PCYT1A: variants seen among roughly 807,000 people sequenced by gnomAD.
PCYT1A encodes phosphate cytidylyltransferase 1A, choline.
A neutral mutation model predicts 43.7 loss-of-function variants in PCYT1A; 25 were observed. The ratio of observed to expected loss-of-function variants is 0.57; its 90% CI spans 0.42 to 0.80. The LOEUF (loss-of-function observed/expected upper bound fraction) is 0.80, where lower values mean the gene tolerates loss of function less well. Among genes scored for constraint, PCYT1A ranks in the 30% least tolerant of loss-of-function variants. PCYT1A has a pLI of 0.00. For missense variants in PCYT1A, 421 were observed against 474.2 expected, an observed-to-expected ratio of 0.89 and a Z score of 1.04; for synonymous variants, 172 against 170.7, an observed-to-expected ratio of 1.01 and a Z score of -0.06.
At chr3:196,265,475 G>A (rs62409167) in intron 2 of PCYT1A, among the ~76,000 whole-genome samples, 4 of 152,030 alleles carry the variant, frequency 2.6e-5, no homozygotes, top group Non-Finnish European at 4.4e-5. Flanking sequence ...TATACTTATC[G>A]ACAAAATAGC....
intron 1 of PCYT1A, among the ~76,000 whole-genome samples, chr3:196,276,551 C>T (rs7635355): frequency 0.24 from 35,613 of 151,012 alleles, 5,814 homozygotes; most frequent in East Asian, 0.77. Flanking sequence ...TGCAGTCAGC[C>T]GAGATCGCAC....
chr3:196,239,917 C>A, intron 7 of PCYT1A, 182 bp from the exon 8 acceptor site: 2 of 567,922 alleles, frequency 3.5e-6, no homozygotes, highest in Non-Finnish European at 6.3e-6. Flanking sequence ...GATGCACACA[C>A]AAGAAGTGGT....
intron 3 of PCYT1A, among the ~76,000 whole-genome samples, chr3:196,254,911 T>C (rs940950215): frequency 2.0e-5 from 3 of 152,166 alleles, no homozygotes; most frequent in African/African-American, 7.2e-5. Flanking sequence ...TTCCTTCCTT[T>C]CTCTGAGTTA....
At chr3:196,253,794 G>C (rs773040380) in intron 3 of PCYT1A, among the ~76,000 whole-genome samples, 3 of 152,138 alleles carry the variant, frequency 2.0e-5, no homozygotes. Context: ...TGTTGAACTA[G>C]TCTGGGAAGA....
chr3:196,271,115 C>T (rs572423348), intron 1 of PCYT1A, among the ~76,000 whole-genome samples: 18 of 152,040 alleles, frequency 1.2e-4, no homozygotes, highest in African/African-American at 2.9e-4. Context: ...GCTTCAACCT[C>T]GTTAGCTCAA....
intron 7 of PCYT1A, chr3:196,241,457 G>A: frequency 1.6e-6 from 2 of 1,245,486 alleles, no homozygotes; most frequent in Non-Finnish European, 2.1e-6. Context: ...CAAAGTACAG[G>A]CATGAACTAC....
At chr3:196,256,232 C>G (rs56107869) in intron 3 of PCYT1A, among the ~76,000 whole-genome samples, 17,646 of 152,190 alleles carry the variant, frequency 0.12, 1,134 homozygotes, top group South Asian at 0.19. Context: ...TGGCTCACGC[C>G]TGCAATCCCA....
At chr3:196,269,139 A>G (rs1725362110) in intron 2 of PCYT1A, among the ~76,000 whole-genome samples, 12 of 152,252 alleles carry the variant, frequency 7.9e-5, no homozygotes, top group Admixed American at 7.9e-4. Context: ...GATATCCAGA[A>G]CTGTAAGATA....
intron 1 of PCYT1A, among the ~76,000 whole-genome samples, chr3:196,278,469 G>A (rs1263339261): frequency 6.6e-6 from 1 of 152,172 alleles, no homozygotes; most frequent in Non-Finnish European, 1.5e-5. Context: ...CGGGCAATGG[G>A]ACTGGGAAAT....
chr3:196,255,826 A>T (rs1170249061), intron 3 of PCYT1A, among the ~76,000 whole-genome samples: 1 of 152,256 alleles, frequency 6.6e-6, no homozygotes, highest in African/African-American at 2.4e-5. Context: ...CTAAATGAAT[A>T]GCTGATTGTA....
At chr3:196,261,186 T>TA (rs1250220146) in intron 2 of PCYT1A, among the ~76,000 whole-genome samples, 2 of 151,912 alleles carry the variant, frequency 1.3e-5, no homozygotes, top group African/African-American at 2.4e-5. Context: ...GCTGGAGGGG[T>TA]AATAGGGAGT....
intron 1 of PCYT1A, among the ~76,000 whole-genome samples, chr3:196,276,411 C>T (rs368186979): frequency 1.3e-5 from 2 of 151,964 alleles, no homozygotes; most frequent in Non-Finnish European, 2.9e-5. Context: ...TGAGACCAGC[C>T]TGTGCAACAT....
chr3:196,263,497 A>G (rs1725176321), intron 2 of PCYT1A, among the ~76,000 whole-genome samples: 2 of 152,196 alleles, frequency 1.3e-5, no homozygotes, highest in African/African-American at 4.8e-5. Context: ...GATTTTAGGC[A>G]TGAGCCACTG....
chr3:196,240,182 G>C (rs1724307374), intron 7 of PCYT1A, among the ~76,000 whole-genome samples: 1 of 152,042 alleles, frequency 6.6e-6, no homozygotes, highest in African/African-American at 2.4e-5. Context: ...TAATTAATCT[G>C]CTTATTGTAC....
chr3:196,279,305 G>C (rs1324057202), intron 1 of PCYT1A, among the ~76,000 whole-genome samples: 3 of 140,514 alleles, frequency 2.1e-5, no homozygotes, highest in African/African-American at 7.8e-5. Context: ...AAAAAAAAAG[G>C]GCTGACAGCC....
chr3:196,274,298 G>A (rs574364288), intron 1 of PCYT1A, among the ~76,000 whole-genome samples: 10 of 152,196 alleles, frequency 6.6e-5, no homozygotes, highest in Non-Finnish European at 1.2e-4. Context: ...AACGGGCAGG[G>A]CTTCCACCTA....
Position 196,281,722 on chromosome 3 carries a change from A to C in PCYT1A, c.-11+5893T>G, listed in dbSNP as rs75360538. On this transcript the variant is annotated intron_variant, in intron 1 of 8. Transcript: ENST00000431016. ...AAATTTACCCAATCTAAAGTGAAAAACAGTGTTAGAAATAGAATTATTTCG... is the reference window on the plus strand; with the variant it reads ...AAATTTACCCAATCTAAAGTGAAAACCAGTGTTAGAAATAGAATTATTTCG... 5.1e-3 allele frequency among the ~76,000 whole-genome samples: 771 copies of C among 152,252 alleles called. 8 individuals are homozygous for C. Among genetic ancestry groups the C allele is most frequent in the African/African-American group, 0.017 (723 of 41,548 alleles).
At chr3:196,251,335 C>T (rs1577360806) in intron 3 of PCYT1A, 1 of 162,412 alleles carries the variant, frequency 6.2e-6, no homozygotes, top group African/African-American at 2.4e-5. Flanking sequence ...GGACCAGATA[C>T]ACTATGCTGA....
chr3:196,238,603 T>G lies in PCYT1A; in HGVS notation c.*85A>C. The stretch of plus-strand genomic sequence containing the variant: ...CCTTTGTAGCTGTCCTTAGGTTTAG[T>G]GTTGGGGTCACAATTTGGAATTCAA... On this transcript the variant is annotated 3_prime_UTR_variant, in exon 9 of 9. Coordinates refer to ENST00000431016, the MANE Select transcript of PCYT1A (RefSeq NM_001312673.2). 2 of 922,028 alleles carry G rather than the reference T, an allele frequency of 2.2e-6. No homozygotes were observed. Among genetic ancestry groups the G allele is most frequent in the South Asian group, 3.9e-5 (2 of 51,244 alleles). The allele number at this position is 922,028 out of a possible 1,614,324, so 57.1% of individuals were successfully genotyped here. A position where few individuals can be genotyped will look rare whatever the true frequency, so the allele number is the denominator to read the frequency against.
Sources: gnomAD v4.1 joint callset for allele counts (sites outside exome capture counted in the v4.1 genomes callset) on GRCh38, gnomAD v4.1.1 for gene constraint, MANE v1.5 for transcripts, NCBI Gene and HGNC (gene_info 2026-07-23, HGNC 2026-07-21) for gene names.